The following EYS variants were observed in gnomAD, a reference collection of about 807,000 sequenced individuals.
EYS encodes the protein EGF-like photoreceptor maintenance factor.
EYS carries 250 observed loss-of-function variants against 282.1 expected under a neutral mutation model. That is an observed-to-expected ratio of 0.89 (90% confidence interval 0.80 to 0.98). The LOEUF is 0.98. Among genes scored for constraint, EYS ranks in the 50% least tolerant of loss-of-function variants. The pLI is 0.00. For synonymous variants in EYS, 1,355 were observed against 1,282.9 expected (o/e 1.06, Z -1.20); for missense variants, 4,016 against 3,709.0 (o/e 1.08, Z -2.15).
intron 30 of EYS, among the ~76,000 whole-genome samples, chr6:64,241,910 T>C (rs894747663): frequency 2.6e-5 from 4 of 152,168 alleles, no homozygotes; most frequent in African/African-American, 9.7e-5. Flanking sequence ...GACATCTTTA[T>C]TTCTGCCTTC....
At position 64,821,705 on chromosome 6, in the gene EYS, A is replaced by T. The variant is rs1004230248; in HGVS notation, c.3183T>A (p.Asn1061Lys). 31 of 1,524,194 alleles carry T rather than the reference A, an allele frequency of 2.0e-5. No individual in the cohort carries two copies. Among genetic ancestry groups the T allele is most frequent in the Admixed American group, 6.0e-5 (3 of 50,398 alleles). The allele number at this position is 1,524,194 out of a possible 1,614,324, so 94.4% of individuals were successfully genotyped here. ...CLHGRCTELI[N>K]EYPCSCDADG... ...CTGCATCACATGAACATGGATATTC[A>T]TTAATAAGTTCTGTGCACCTGAAAC... Residue 1061 changes from asparagine to lysine, a missense_variant, in exon 21 of 43, where the codon AAT (asparagine) becomes AAA (lysine). Physicochemically the swap from Asn to Lys is moderately conservative, Grantham distance 94 (BLOSUM62 0). Coordinates refer to ENST00000503581, the MANE Select transcript of EYS (RefSeq NM_001142800.2).
At chr6:64,304,855 G>A (rs1307469125) in intron 30 of EYS, among the ~76,000 whole-genome samples, 12 of 152,118 alleles carry the variant, frequency 7.9e-5, no homozygotes, top group Non-Finnish European at 1.3e-4. Flanking sequence ...CAAAATGTAC[G>A]AGATGCAGTG....
chr6:64,026,230 G>C (rs547578244), intron 33 of EYS, among the ~76,000 whole-genome samples: 2 of 152,126 alleles, frequency 1.3e-5, no homozygotes, highest in Admixed American at 6.6e-5. Flanking sequence ...TCTTGGGCAG[G>C]GGTTGTTTCT....
At chr6:65,213,013 A>G (rs1217625527) in intron 12 of EYS, among the ~76,000 whole-genome samples, 1 of 152,120 alleles carries the variant, frequency 6.6e-6, no homozygotes, top group Non-Finnish European at 1.5e-5. Flanking sequence ...TGGCAGGATT[A>G]TTCAACTGTT....
chr6:65,346,602 G>A (rs1325889905), intron 9 of EYS, among the ~76,000 whole-genome samples: 1 of 151,364 alleles, frequency 6.6e-6, no homozygotes, highest in East Asian at 2.0e-4. Flanking sequence ...GAAAACGAGG[G>A]GATCAATTTA....
intron 26 of EYS, among the ~76,000 whole-genome samples, chr6:64,538,070 T>TA (rs1363599021): frequency 6.6e-6 from 1 of 152,184 alleles, no homozygotes; most frequent in Non-Finnish European, 1.5e-5. Flanking sequence ...TAGGATGCAT[T>TA]AAAAAATTGT....
chr6:64,987,638 G>T (rs1477692590), intron 14 of EYS, among the ~76,000 whole-genome samples: 1 of 151,398 alleles, frequency 6.6e-6, no homozygotes, highest in Non-Finnish European at 1.5e-5. Flanking sequence ...GGCATGACTT[G>T]TGCTGTATAT....
chr6:64,749,305 T>G (rs1772665704), intron 22 of EYS, among the ~76,000 whole-genome samples: 1 of 152,160 alleles, frequency 6.6e-6, no homozygotes, highest in African/African-American at 2.4e-5. Context: ...GCTCTATGCT[T>G]TCTATAAAAT....
intron 28 of EYS, among the ~76,000 whole-genome samples, chr6:64,427,077 G>A (rs1045170406): frequency 2.0e-5 from 3 of 151,966 alleles, no homozygotes; most frequent in East Asian, 1.9e-4. Flanking sequence ...TTAAATTTGG[G>A]CAAATTTCAT....
chr6:64,202,753 A>G (rs921333383), intron 31 of EYS, among the ~76,000 whole-genome samples: 16 of 152,194 alleles, frequency 1.1e-4, no homozygotes, highest in African/African-American at 3.9e-4. Flanking sequence ...TATCCTTTGA[A>G]GAGGAAAGAG....
chr6:65,283,698 C>T (rs1562071348), intron 12 of EYS, among the ~76,000 whole-genome samples: 2 of 151,798 alleles, frequency 1.3e-5, no homozygotes, highest in Non-Finnish European at 2.9e-5. Flanking sequence ...CATTTCATAA[C>T]CTTTTTTTCA....
At chr6:63,886,000 G>A (rs1773252888) in intron 35 of EYS, among the ~76,000 whole-genome samples, 1 of 152,100 alleles carries the variant, frequency 6.6e-6, no homozygotes. Context: ...CTGTCTTCAG[G>A]CTAATCATTT....
intron 11 of EYS, among the ~76,000 whole-genome samples, chr6:65,324,050 C>T (rs1769550525): frequency 6.6e-6 from 1 of 151,956 alleles, no homozygotes; most frequent in African/African-American, 2.4e-5. Context: ...TTTACACCTG[C>T]TCTGTCTCCT....
At chr6:65,357,555 T>A (rs1053701082) in intron 8 of EYS, among the ~76,000 whole-genome samples, 1 of 152,020 alleles carries the variant, frequency 6.6e-6, no homozygotes, top group Non-Finnish European at 1.5e-5. Flanking sequence ...TAGATTCATT[T>A]TGGTTTATTG....
intron 13 of EYS, 140 bp downstream of exon 13, chr6:65,057,473 GT>G (rs759330066): frequency 1.5e-6 from 1 of 668,476 alleles, no homozygotes; most frequent in Non-Finnish European, 2.7e-6. Context: ...GGAATAATTG[GT>G]TGGTCACTTT....
At chr6:64,079,125 G>A (rs1771871494) in intron 32 of EYS, among the ~76,000 whole-genome samples, 1 of 151,922 alleles carries the variant, frequency 6.6e-6, no homozygotes, top group Non-Finnish European at 1.5e-5. Context: ...TGTTTACTCT[G>A]CAATGTACTA....
chr6:65,424,978 T>A, intron 5 of EYS, among the ~76,000 whole-genome samples: 1 of 152,084 alleles, frequency 6.6e-6, no homozygotes, highest in East Asian at 1.9e-4. Flanking sequence ...TCTCTGTGTC[T>A]AAGGGTGTTA....
At chr6:64,476,146 G>T (rs1776261203) in intron 26 of EYS, among the ~76,000 whole-genome samples, 1 of 151,948 alleles carries the variant, frequency 6.6e-6, no homozygotes, top group South Asian at 2.1e-4. Flanking sequence ...TTCAGCCCAG[G>T]GAGCTTTTAA....
chr6:63,829,586 C>A (rs1237018340), intron 36 of EYS, among the ~76,000 whole-genome samples: 2 of 152,216 alleles, frequency 1.3e-5, no homozygotes, highest in Admixed American at 6.5e-5. Flanking sequence ...GGGTGGAAAC[C>A]ACTGCAGCTC....
Sources: allele counts gnomAD v4.1 joint callset (sites outside exome capture counted in the v4.1 genomes callset), GRCh38; gene constraint gnomAD v4.1.1; transcripts MANE v1.5; gene names NCBI Gene and HGNC (gene_info 2026-07-23, HGNC 2026-07-21).